The following ZNF182 variants were observed in gnomAD, a reference collection of about 807,000 sequenced individuals.
The protein encoded by ZNF182 is zinc finger protein 182.
In ZNF182, 10 loss-of-function variants were observed where a neutral mutation model predicts 28.1. The observed-to-expected ratio is 0.36, with a 90% CI of 0.22 to 0.60. The LOEUF (loss-of-function observed/expected upper bound fraction) is 0.60, where lower values mean the gene tolerates loss of function less well. Among genes scored for constraint, ZNF182 ranks in the 20% least tolerant of loss-of-function variants. The pLI is 0.75. For missense variants in ZNF182, 352 were observed against 453.2 expected, an observed-to-expected ratio of 0.78 and a Z score of 2.03; for synonymous variants, 156 against 158.7, an observed-to-expected ratio of 0.98 and a Z score of 0.13.
chrX:47,977,130 T>C lies in ZNF182; in HGVS notation c.900A>G (p.Glu300=). 4 of 1,210,306 alleles carry C rather than the reference T, an allele frequency of 3.3e-6. No homozygotes were observed. Among genetic ancestry groups the C allele is most frequent in the Non-Finnish European group, 4.5e-6 (4 of 895,062 alleles). Residue 300 remains glutamate, a synonymous_variant, in exon 6 of 6, where the codon GAA becomes GAG. Transcript: ENST00000376943. ...YRTHTGEKPY[E]CNECGKAFTQ... Reference sequence around the variant, plus strand: ...TGAAGGCTTTTCCACATTCATTACATTCATAAGGTTTTTCTCCTGTGTGAG... The same window carrying C: ...TGAAGGCTTTTCCACATTCATTACACTCATAAGGTTTTTCTCCTGTGTGAG...
At chrX:47,989,537 G>C (rs1196711391) in intron 3 of ZNF182, among the ~76,000 whole-genome samples, 1 of 111,866 alleles carries the variant, frequency 8.9e-6, no homozygotes, top group East Asian at 2.8e-4. Flanking sequence ...AAACCATGAG[G>C]AATCTAAAGT....
intron 3 of ZNF182, among the ~76,000 whole-genome samples, chrX:47,998,828 C>T (rs1248390724): frequency 9.8e-6 from 1 of 101,896 alleles, no homozygotes; most frequent in African/African-American, 3.6e-5. Flanking sequence ...CACTATACTC[C>T]TAAGTGACAG....
At chrX:47,996,485 C>A (rs562776864) in intron 3 of ZNF182, among the ~76,000 whole-genome samples, 11 of 111,300 alleles carry the variant, frequency 9.9e-5, no homozygotes, top group African/African-American at 3.3e-4. Flanking sequence ...GGGAGAAAAA[C>A]CAGAAAACAA....
chrX:47,982,318 G>C (rs915429165), intron 5 of ZNF182, among the ~76,000 whole-genome samples: 2 of 111,733 alleles, frequency 1.8e-5, no homozygotes, highest in African/African-American at 6.5e-5. Context: ...GAGGGGAAGA[G>C]GGATGAGAAT....
chrX:47,998,462 T>C (rs782067564), intron 3 of ZNF182, among the ~76,000 whole-genome samples: 1 of 112,168 alleles, frequency 8.9e-6, no homozygotes, highest in Non-Finnish European at 1.9e-5. Flanking sequence ...CTAAATAATA[T>C]ATTGGTCAAA....
intron 3 of ZNF182, among the ~76,000 whole-genome samples, chrX:47,997,717 G>A (rs1260669793): frequency 1.2e-4 from 13 of 111,097 alleles, no homozygotes; most frequent in Admixed American, 8.6e-4. Context: ...ACCTGAAACC[G>A]GGAGGGGGAG....
In ZNF182 at chrX:47,977,346, T is replaced by A; in HGVS notation, c.684A>T (p.Ser228=). The stretch of plus-strand genomic sequence containing the variant: ...GAGTTCTCCAATGTACAATGAGGTG[T>A]GACTTCTTGCTGAAGGTTTTCCTAC... ...TACRKTFSKK[S]HLIVHWRTHT... Residue 228 remains serine, a synonymous_variant, in exon 6 of 6, where the codon TCA becomes TCT. Transcript: ENST00000376943. 2 of 1,207,045 alleles carry A rather than the reference T, an allele frequency of 1.7e-6. No individual in the cohort carries two copies. Among genetic ancestry groups the A allele is most frequent in the Non-Finnish European group, 2.2e-6 (2 of 894,009 alleles).
At chrX:47,997,668 T>G (rs1432974459) in intron 3 of ZNF182, among the ~76,000 whole-genome samples, 1 of 111,042 alleles carries the variant, frequency 9.0e-6, no homozygotes, top group Non-Finnish European at 1.9e-5. Flanking sequence ...GGTAGGCACA[T>G]GTAACCCCAG....
chrX:47,999,874 G>A (rs1352842985), intron 3 of ZNF182, among the ~76,000 whole-genome samples: 2 of 112,060 alleles, frequency 1.8e-5, no homozygotes, highest in Non-Finnish European at 3.8e-5. Context: ...AGTGGCTCAC[G>A]CCTGTAATCC....
intron 3 of ZNF182, 195 bp downstream of exon 3, chrX:48,002,400 G>T: frequency 1.8e-6 from 1 of 560,323 alleles, no homozygotes; most frequent in Non-Finnish European, 3.0e-6. Flanking sequence ...GAAACTGACA[G>T]CCCAACATCA....
intron 3 of ZNF182, among the ~76,000 whole-genome samples, chrX:47,985,836 C>A (rs138557436): frequency 2.7e-5 from 3 of 111,010 alleles, no homozygotes; most frequent in Non-Finnish European, 5.7e-5. Context: ...GGAGACACAA[C>A]AATGATTCCA....
chrX:47,992,420 GAC>G (rs1476254021), intron 3 of ZNF182, among the ~76,000 whole-genome samples: 1 of 110,462 alleles, frequency 9.1e-6, no homozygotes, highest in Non-Finnish European at 1.9e-5. Context: ...GGGACAGCTA[GAC>G]ACAACCCACT....
rs782588537 is a variant in ZNF182, at chrX:47,984,162, C to A, written c.16-751G>T. ...AAAGCAAAACCAAATGATCTATGAA[C>A]ACAAGATAATGTACTCAACCCCATT... On this transcript the variant is annotated intron_variant, in intron 3 of 5. Transcript: ENST00000376943. Among the ~76,000 whole-genome samples, 11 of 111,409 alleles carry A rather than the reference C, an allele frequency of 9.9e-5. No individual in the cohort carries two copies. In the South Asian group the frequency reaches 3.3e-3, roughly 34 times the overall value.
rs2058890705 is a variant in ZNF182 at position 47,977,689 on chromosome X, C to G, written c.341G>C (p.Ser114Thr). 1 of 1,209,994 alleles carries G rather than the reference C, an allele frequency of 8.3e-7. No individual in the cohort carries two copies. Among genetic ancestry groups the G allele is most frequent in the African/African-American group, 1.7e-5 (1 of 57,798 alleles). The change falls in exon 6 of 6, where the codon AGT becomes ACT. Residue 114 changes from serine (S) to threonine (T), a missense_variant. Ser to Thr is a moderately conservative substitution (Grantham distance 58, BLOSUM62 1). Coordinates refer to ENST00000376943, the MANE Select transcript of ZNF182 (RefSeq NM_001007088.2). ...FSDKKTIITK[S>T]ARDCHEFGNI... is the part of the protein sequence containing the mutation. ...TCCAAACTCATGACAGTCACGAGCA[C>G]TCTTGGTGATAATTGTTTTCTTGTC...
At chrX:47,981,480 A>G (rs1394288815) in intron 5 of ZNF182, among the ~76,000 whole-genome samples, 2 of 113,090 alleles carry the variant, frequency 1.8e-5, no homozygotes, top group African/African-American at 6.4e-5. Flanking sequence ...GGATGATGCT[A>G]CAAAATCAAT....
intron 3 of ZNF182, among the ~76,000 whole-genome samples, chrX:47,998,948 T>G (rs1245397347): frequency 1.8e-5 from 2 of 111,711 alleles, no homozygotes; most frequent in Non-Finnish European, 1.9e-5. Context: ...GTCAAGGAGA[T>G]ATCTACAATC....
chrX:47,983,259 A>G, intron 4 of ZNF182, 26 bp downstream of exon 4: 1 of 1,210,821 alleles, frequency 8.3e-7, no homozygotes, highest in East Asian at 3.0e-5. Flanking sequence ...ATAAACTGCA[A>G]AATTACCTAA....
At chrX:47,987,412 C>T (rs1316003937) in intron 3 of ZNF182, among the ~76,000 whole-genome samples, 1 of 112,581 alleles carries the variant, frequency 8.9e-6, no homozygotes, top group Non-Finnish European at 1.9e-5. Flanking sequence ...GAGATCCTGA[C>T]ATTATCCTTA....
chrX:47,983,177 C>T (rs2058912143), intron 4 of ZNF182, 108 bp downstream of exon 4: 3 of 1,138,086 alleles, frequency 2.6e-6, no homozygotes, highest in Non-Finnish European at 3.6e-6. Context: ...GCATTTTGAG[C>T]TCACAAACAC....
Sources: gnomAD v4.1 joint callset for allele counts (sites outside exome capture counted in the v4.1 genomes callset) on GRCh38, gnomAD v4.1.1 for gene constraint, MANE v1.5 for transcripts, NCBI Gene and HGNC (gene_info 2026-07-23, HGNC 2026-07-21) for gene names.